Variants in PPARG observed in about 807,000 individuals in gnomAD.
PPARG encodes the protein peroxisome proliferator-activated receptor gamma.
PPARG carries 17 observed loss-of-function variants against 39.2 expected under a neutral mutation model. The ratio of observed to expected loss-of-function variants is 0.43; its 90% CI spans 0.30 to 0.65. The LOEUF is 0.65. Ranked by LOEUF, PPARG falls within the 30% of genes least tolerant of loss-of-function variation. The probability of loss-of-function intolerance (pLI) is 0.13; values close to 1 mark genes in which losing one functional copy is unlikely to be tolerated. For synonymous variants in PPARG, 223 were observed against 215.7 expected (o/e 1.03, Z -0.30); for missense variants, 406 against 585.9 (o/e 0.69, Z 3.17).
At chr3:12,387,954 G>A (rs2049941204) in intron 4 of PPARG, among the ~76,000 whole-genome samples, 1 of 152,086 alleles carries the variant, frequency 6.6e-6, no homozygotes, top group Admixed American at 6.6e-5. Context: ...TCCTAGCCAT[G>A]CCAAATAACT....
At position 12,379,842 on chromosome 3, in the gene PPARG, C is replaced by G; in HGVS notation, c.131C>G (p.Ser44Cys). ...PFTTVDFSSI[S>C]TPHYEDIPFT... is the part of the protein sequence containing the mutation. ...ACTACTGTTGACTTCTCCAGCATTT[C>G]TACTCCACATTACGAAGACATTCCA... Residue 44 changes from serine to cysteine, a missense_variant, in exon 3 of 8, where the codon TCT becomes TGT. By Grantham distance (112) the Ser-to-Cys change is moderately radical. Around this residue, in one of 2 missense-constraint regions of PPARG, gnomAD observed 131 missense variants for 127.9 expected, o/e 1.02. Transcript: ENST00000651735. 1 of 1,613,950 alleles carries G rather than the reference C, an allele frequency of 6.2e-7. No homozygotes were observed. Among genetic ancestry groups the G allele is most frequent in the Non-Finnish European group, 8.5e-7 (1 of 1,179,844 alleles).
In PPARG at chr3:12,378,100, T is replaced by C. The variant is rs1305744641; in HGVS notation, c.-8-1604T>C. On this transcript the variant is annotated intron_variant, in intron 2 of 7. Coordinates refer to ENST00000651735, the MANE Select transcript of PPARG (RefSeq NM_138711.6). ...CTCACACCCATTAGAATGGCTGTTA[T>C]CAAAAACACAGAAGATAAGAAGTGT... Among the ~76,000 whole-genome samples, 4 of 152,162 alleles carry C rather than the reference T, an allele frequency of 2.6e-5. No individual in the cohort carries two copies. In the East Asian group the frequency reaches 7.7e-4, roughly 29 times the overall value.
intron 4 of PPARG, among the ~76,000 whole-genome samples, chr3:12,383,482 G>A (rs1460156534): frequency 6.6e-6 from 1 of 152,066 alleles, no homozygotes; most frequent in Non-Finnish European, 1.5e-5. Flanking sequence ...TATTTTTACT[G>A]AGTTGGATAC....
chr3:12,370,549 GAGAT>G (rs1559511472), intron 2 of PPARG, among the ~76,000 whole-genome samples: 2 of 152,184 alleles, frequency 1.3e-5, no homozygotes, highest in South Asian at 2.1e-4. Flanking sequence ...TGGGAAAAAA[GAGAT>G]AGTCGCAAAC....
At chr3:12,362,664 C>T (rs1228459527) in intron 2 of PPARG, among the ~76,000 whole-genome samples, 1 of 151,148 alleles carries the variant, frequency 6.6e-6, no homozygotes, top group Non-Finnish European at 1.5e-5. Context: ...TTGTCTTTTT[C>T]CTTTGTTGCA....
intron 1 of PPARG, among the ~76,000 whole-genome samples, chr3:12,296,078 C>G (rs927683193): frequency 6.6e-6 from 1 of 151,436 alleles, no homozygotes; most frequent in Non-Finnish European, 1.5e-5. Flanking sequence ...GTGGCAGAAC[C>G]CCGTCTCTAC....
At chr3:12,348,995 C>T (rs1412815041) in intron 2 of PPARG, among the ~76,000 whole-genome samples, 1 of 152,162 alleles carries the variant, frequency 6.6e-6, no homozygotes, top group Non-Finnish European at 1.5e-5. Context: ...TATAAATTCT[C>T]TGATGATCAT....
At position 12,381,408 on chromosome 3, in the gene PPARG, T is replaced by C; in HGVS notation, c.307T>C (p.Ser103Pro). 1 of 1,613,412 alleles carries C rather than the reference T, an allele frequency of 6.2e-7. No homozygotes were observed. ...YNKPHEEPSN[S>P]LMAIECRVCG... is the part of the protein sequence containing the mutation. ...TAAGCCTCATGAAGAGCCTTCCAAC[T>C]CCCTCATGGCAATTGAATGTCGTGT... is the stretch of plus-strand genomic sequence containing the variant. Residue 103 changes from serine to proline, a missense_variant, in exon 4 of 8, where the codon TCC (serine) becomes CCC (proline). Ser to Pro is a moderately conservative substitution (Grantham distance 74). Coordinates refer to ENST00000651735, the MANE Select transcript of PPARG (RefSeq NM_138711.6).
chr3:12,383,624 A>G (rs527999900), intron 4 of PPARG, among the ~76,000 whole-genome samples: 22 of 152,186 alleles, frequency 1.4e-4, no homozygotes, highest in Non-Finnish European at 2.9e-4. Flanking sequence ...AGGTTCCACA[A>G]TAAGTTATTG....
At chr3:12,316,473 C>T (rs2047392016) in intron 2 of PPARG, among the ~76,000 whole-genome samples, 1 of 152,230 alleles carries the variant, frequency 6.6e-6, no homozygotes, top group East Asian at 1.9e-4. Context: ...TTAATGGGGA[C>T]AGTTTCAGTT....
intron 2 of PPARG, among the ~76,000 whole-genome samples, chr3:12,356,833 G>T (rs2048680500): frequency 6.6e-6 from 1 of 152,166 alleles, no homozygotes; most frequent in Admixed American, 6.5e-5. Context: ...CAAGAGTAAG[G>T]CCGACCCACC....
chr3:12,384,107 A>G (rs1326676277), intron 4 of PPARG, among the ~76,000 whole-genome samples: 1 of 151,948 alleles, frequency 6.6e-6, no homozygotes, highest in Non-Finnish European at 1.5e-5. Flanking sequence ...TGGAAAGGGA[A>G]AATAGACATC....
intron 2 of PPARG, among the ~76,000 whole-genome samples, chr3:12,365,156 A>G (rs530176658): frequency 1.3e-5 from 2 of 152,162 alleles, no homozygotes; most frequent in Non-Finnish European, 2.9e-5. Context: ...TAATGCAGCC[A>G]CTGATCTGAC....
At chr3:12,312,620 A>G (rs2047278824) in intron 2 of PPARG, among the ~76,000 whole-genome samples, 167 bp downstream of exon 2, 1 of 152,232 alleles carries the variant, frequency 6.6e-6, no homozygotes, top group Non-Finnish European at 1.5e-5. Flanking sequence ...TATGCAGTGT[A>G]ACATATTTGT....
chr3:12,414,113 A>C (rs1236387753), intron 6 of PPARG, among the ~76,000 whole-genome samples: 3 of 152,188 alleles, frequency 2.0e-5, no homozygotes, highest in Non-Finnish European at 4.4e-5. Flanking sequence ...AATCACTTAC[A>C]TGGAGGTGAA....
chr3:12,312,329 A>T (rs935689732), intron 1 of PPARG, 51 bp from the exon 2 acceptor site: 1 of 152,240 alleles, frequency 6.6e-6, no homozygotes, highest in African/African-American at 2.4e-5. Flanking sequence ...ATGTGTACAC[A>T]TTCTGAACAT....
chr3:12,427,552 C>A (rs906395764), intron 7 of PPARG, among the ~76,000 whole-genome samples: 3 of 152,200 alleles, frequency 2.0e-5, no homozygotes, highest in African/African-American at 7.2e-5. Flanking sequence ...TCTAAAGTTC[C>A]TCTACCTATT....
At chr3:12,290,730 C>T (rs768586652) in intron 1 of PPARG, among the ~76,000 whole-genome samples, 3 of 151,976 alleles carry the variant, frequency 2.0e-5, no homozygotes, top group Admixed American at 6.6e-5. Flanking sequence ...AGGATGTTAG[C>T]CACTAACCTT....
chr3:12,300,889 G>T (rs1372577010), intron 1 of PPARG, among the ~76,000 whole-genome samples: 1 of 152,176 alleles, frequency 6.6e-6, no homozygotes, highest in African/African-American at 2.4e-5. Flanking sequence ...GCCAAACTGG[G>T]TGCACTATAT....
Sources: allele counts gnomAD v4.1 joint callset (sites outside exome capture counted in the v4.1 genomes callset), GRCh38; gene constraint gnomAD v4.1.1; regional missense constraint gnomAD v4.1.1; transcripts MANE v1.5; gene names NCBI Gene and HGNC (gene_info 2026-07-23, HGNC 2026-07-21).